The following PRAMEF4 variants were observed in gnomAD, a reference collection of about 807,000 sequenced individuals.
The protein encoded by PRAMEF4 is PRAME family member 4, also known as RP5-845O24.6.
In PRAMEF4, 18 loss-of-function variants were observed where a neutral mutation model predicts 34.4. That is an observed-to-expected ratio of 0.52 (90% CI 0.36 to 0.78). The LOEUF (loss-of-function observed/expected upper bound fraction) is 0.78, where lower values mean the gene tolerates loss of function less well. PRAMEF4 is among the 30% of genes least tolerant of loss of function. PRAMEF4 has a pLI of 0.00. For missense variants in PRAMEF4, 482 were observed against 569.1 expected, an observed-to-expected ratio of 0.85 and a Z score of 1.56; for synonymous variants, 156 against 219.3, an observed-to-expected ratio of 0.71 and a Z score of 2.55.
chr1:12,883,351 G>C lies in PRAMEF4; in HGVS notation c.44C>G (p.Ala15Gly). ...TTGGTCCCTTAGCAGGCTCCGCCCT[G>C]CAAGCTCCAGGAGTCTGGGTGGAGT... ...IWTPPRLLEL[A>G]GRSLLRDQAL... is the part of the protein sequence containing the mutation. The change falls in exon 2 of 4, where the codon GCA becomes GGA. Residue 15 changes from alanine (A) to glycine (G), a missense_variant. Around this residue, in one of 6 missense-constraint regions of PRAMEF4, gnomAD observed 172 missense variants for 130.2 expected, o/e 1.32. Transcript: ENST00000235349. The C allele has an allele frequency of 6.3e-7, 1 of 1,593,458 alleles. No homozygotes were observed. The highest frequency in any genetic ancestry group is 8.6e-7 in the Non-Finnish European group (1 of 1,169,396).
chr1:12,880,521 A>T (rs1357297515), intron 3 of PRAMEF4, among the ~76,000 whole-genome samples: 1 of 149,910 alleles, frequency 6.7e-6, no homozygotes, highest in East Asian at 2.0e-4. Context: ...GGTTGCAGTG[A>T]GCAGAGATCA....
At chr1:12,882,617 G>T (rs1208990314) in intron 2 of PRAMEF4, among the ~76,000 whole-genome samples, 182 bp from the exon 3 acceptor site, 2 of 146,354 alleles carry the variant, frequency 1.4e-5, no homozygotes, top group Non-Finnish European at 3.0e-5. Context: ...TTGAGACCAA[G>T]TCTCCCTGTG....
At chr1:12,885,446 A>G (rs1435291214) in intron 1 of PRAMEF4, among the ~76,000 whole-genome samples, 5 of 149,564 alleles carry the variant, frequency 3.3e-5, no homozygotes, top group Non-Finnish European at 7.4e-5. Context: ...TGCAGCCTCA[A>G]TCTTCTGGGC....
At position 12,882,074 on chromosome 1, in the gene PRAMEF4, C is replaced by T. The variant is rs202016773; in HGVS notation, c.655G>A (p.Val219Ile). 560 of 1,587,206 alleles carry T rather than the reference C, an allele frequency of 3.5e-4. 37 individuals carry two copies. In the South Asian group the frequency reaches 4.8e-3, roughly 14 times the overall value. ...GTAAACTGTGTCAGGATGGGCAGTACCCACTTGCAATTCACTTCCACCTCC... is the reference window on the plus strand; with the variant it reads ...GTAAACTGTGTCAGGATGGGCAGTATCCACTTGCAATTCACTTCCACCTCC... ...IQEVEVNCKWVLPILTQFTPY... is the reference protein window; with the variant it reads ...IQEVEVNCKWILPILTQFTPY... The change falls in exon 3 of 4, where the codon GTA becomes ATA. Residue 219 changes from valine to isoleucine, a missense_variant. Around this residue, in one of 6 missense-constraint regions of PRAMEF4, gnomAD observed 81 missense variants for 73.1 expected, o/e 1.11. Coordinates refer to ENST00000235349, the MANE Select transcript of PRAMEF4 (RefSeq NM_001009611.4).
At chr1:12,881,288 C>A (rs12130869) in intron 3 of PRAMEF4, among the ~76,000 whole-genome samples, 16,077 of 147,840 alleles carry the variant, frequency 0.11, 1,671 homozygotes, top group Non-Finnish European at 0.11. Context: ...ATCGCATGAA[C>A]CTGGGAGGCA....
intron 3 of PRAMEF4, among the ~76,000 whole-genome samples, chr1:12,881,160 G>A (rs888681179): frequency 5.4e-5 from 8 of 148,274 alleles, no homozygotes; most frequent in African/African-American, 7.6e-5. Context: ...GAAGTCAGGA[G>A]TTGGAGAATA....
At chr1:12,885,714 A>C (rs12061202) in intron 1 of PRAMEF4, among the ~76,000 whole-genome samples, 1 of 145,732 alleles carries the variant, frequency 6.9e-6, no homozygotes, top group African/African-American at 2.6e-5. Flanking sequence ...GAACCCGGGA[A>C]GTAAAGGTTG....
In PRAMEF4 at chr1:12,883,228, A is replaced by C. The variant is rs1341671161; in HGVS notation, c.167T>G (p.Leu56Arg). ...GCGGAAGGGCCAGGACTGCACCATCAGCTTCAGGGCCTCACAGCGTCTCCT... is the reference window on the plus strand; with the variant it reads ...GCGGAAGGGCCAGGACTGCACCATCCGCTTCAGGGCCTCACAGCGTCTCCT... Reference protein sequence around the residue: ...FSRRRCEALKLMVQSWPFRRL... With the variant: ...FSRRRCEALKRMVQSWPFRRL... Residue 56 changes from leucine (L) to arginine (R), a missense_variant, in exon 2 of 4, where the codon CTG becomes CGG. This residue lies in a region of PRAMEF4 where 172 missense variants were observed against 130.2 expected (regional missense o/e 1.32). Transcript: ENST00000235349. 3 of 1,598,606 alleles carry C rather than the reference A, an allele frequency of 1.9e-6. No homozygotes were observed. In the African/African-American group the frequency reaches 4.1e-5, roughly 22 times the overall value.
In PRAMEF4 at chr1:12,883,022, C is replaced by T. The variant is rs528724478; in HGVS notation, c.293+80G>A. On this transcript the variant is annotated intron_variant, in intron 2 of 3. Coordinates refer to ENST00000235349, the MANE Select transcript of PRAMEF4 (RefSeq NM_001009611.4). ...CCTCACCACCACCATCCCCCTTGGG[C>T]CTCCTCACTTCTCACGACCCAGCTG... 16 of 1,567,558 alleles carry T rather than the reference C, an allele frequency of 1.0e-5. 1 individual carries two copies. The East Asian group carries it at 3.0e-4, about 29-fold the overall frequency.
intron 1 of PRAMEF4, among the ~76,000 whole-genome samples, chr1:12,885,852 C>A (rs1398612177): frequency 7.2e-6 from 1 of 138,366 alleles, no homozygotes; most frequent in South Asian, 2.4e-4. Context: ...GTCTCAAATC[C>A]CTGGGCTGAA....
In PRAMEF4 at chr1:12,881,387, T is replaced by C. The variant is rs541383885; in HGVS notation, c.875+467A>G. Among the ~76,000 whole-genome samples the C allele has an allele frequency of 2.0e-5, 3 of 148,804 alleles. No individual in the cohort carries two copies. In the East Asian group the frequency reaches 5.9e-4, roughly 29 times the overall value. ...ATCTCAGAAAAAAAAAGTTATCTTG[T>C]TTGTTTTTACTTTTGTTTATTCATT... On this transcript the variant is annotated intron_variant, in intron 3 of 3. Coordinates refer to ENST00000235349, the MANE Select transcript of PRAMEF4 (RefSeq NM_001009611.4).
At chr1:12,881,095 G>A (rs1640879591) in intron 3 of PRAMEF4, among the ~76,000 whole-genome samples, 1 of 148,148 alleles carries the variant, frequency 6.8e-6, no homozygotes, top group East Asian at 2.0e-4. Flanking sequence ...GCTGGGCGTG[G>A]TAGCTCTCGC....
At chr1:12,882,516 C>T (rs1392773980) in intron 2 of PRAMEF4, 81 bp from the exon 3 acceptor site, 9 of 1,540,926 alleles carry the variant, frequency 5.8e-6, no homozygotes, top group African/African-American at 5.6e-5. Flanking sequence ...AGCAGCTCCT[C>T]CCCTCCCTGC....
intron 1 of PRAMEF4, 101 bp from the exon 2 acceptor site, chr1:12,883,511 A>C: frequency 2.0e-6 from 3 of 1,467,672 alleles, no homozygotes; most frequent in Admixed American, 4.1e-5. Context: ...GCAATGGTGA[A>C]AGAGTCCTCA....
rs552457992 is a variant in PRAMEF4 at position 12,883,008 on chromosome 1, C to G, written c.293+94G>C. On this transcript the variant is annotated intron_variant, in intron 2 of 3. Transcript: ENST00000235349. ...AGTCCTCTCGGCTTCCTCACCACCA[C>G]CATCCCCCTTGGGCCTCCTCACTTC... 1.6e-4 allele frequency: 249 copies of G among 1,542,804 alleles called. 14 individuals are homozygous for G. The Middle Eastern group carries it at 2.3e-3, about 14-fold the overall frequency.
intron 2 of PRAMEF4, among the ~76,000 whole-genome samples, chr1:12,882,867 G>A (rs1171939934): frequency 1.6e-4 from 24 of 147,444 alleles, no homozygotes; most frequent in African/African-American, 4.9e-4. Flanking sequence ...CACCGTGCCC[G>A]GCCCAGTTCT....
chr1:12,883,699 C>A (rs544523023), intron 1 of PRAMEF4, among the ~76,000 whole-genome samples: 2 of 147,886 alleles, frequency 1.4e-5, no homozygotes, highest in African/African-American at 5.0e-5. Context: ...TGAACCCCTC[C>A]TACCATTGGG....
rs148045269 is a variant in PRAMEF4, at chr1:12,882,273, G to A, written c.456C>T (p.Phe152=). ...TCCTGTTCTTGAGCCAAAGTTCTAC[G>A]AACACAGTCAAGGGCTGCCGTCCTT... is the stretch of plus-strand genomic sequence containing the variant. The part of the protein sequence containing the change: ...RMKGRQPLTV[F]VELWLKNRTL... The change falls in exon 3 of 4, where the codon TTC becomes TTT. Residue 152 remains phenylalanine, a synonymous_variant. Transcript: ENST00000235349. 490 of 1,539,562 alleles carry A rather than the reference G, an allele frequency of 3.2e-4. 18 individuals are homozygous for A. Among genetic ancestry groups the A allele is most frequent in the African/African-American group, 1.1e-3 (69 of 64,028 alleles).
In PRAMEF4 at chr1:12,881,713, G is replaced by T. The variant is rs11487756; in HGVS notation, c.875+141C>A. ...ATGATACCCATTTCAGGACAGGGCC[G>T]CCCACAGGACAATGCATGGACATTC... is the stretch of plus-strand genomic sequence containing the variant. On this transcript the variant is annotated intron_variant, in intron 3 of 3. Coordinates refer to ENST00000235349, the MANE Select transcript of PRAMEF4 (RefSeq NM_001009611.4). 6 of 1,378,960 alleles carry T rather than the reference G, an allele frequency of 4.4e-6. 1 individual carries two copies. The highest frequency in any genetic ancestry group is 2.1e-5 in the Admixed American group (1 of 47,874). The allele number at this position is 1,378,960 out of a possible 1,614,324, so 85.4% of individuals were successfully genotyped here. A position where few individuals can be genotyped will look rare whatever the true frequency, so the allele number is the denominator to read the frequency against.
Sources: allele counts gnomAD v4.1 joint callset (sites outside exome capture counted in the v4.1 genomes callset), GRCh38; gene constraint gnomAD v4.1.1; regional missense constraint gnomAD v4.1.1; transcripts MANE v1.5; gene names NCBI Gene and HGNC (gene_info 2026-07-23, HGNC 2026-07-21).